The following ZNF804A variants were observed in gnomAD, a reference collection of about 807,000 sequenced individuals.
ZNF804A encodes the protein zinc finger protein 804A.
ZNF804A carries 2 observed loss-of-function variants against 16.5 expected under a neutral mutation model. The observed-to-expected ratio is 0.12, with a 90% CI of 0.05 to 0.38. The LOEUF (loss-of-function observed/expected upper bound fraction) is 0.38, where lower values mean the gene tolerates loss of function less well. ZNF804A is among the 10% of genes least tolerant of loss of function. The pLI, the probability that ZNF804A is intolerant of heterozygous loss-of-function variation, is 0.99. For missense variants in ZNF804A, 1,473 were observed against 1,390.7 expected (o/e 1.06, Z -0.94); for synonymous variants, 534 against 489.6 (o/e 1.09, Z -1.20).
intron 1 of ZNF804A, among the ~76,000 whole-genome samples, chr2:184,706,542 G>A (rs754609972): frequency 2.0e-5 from 3 of 152,074 alleles, no homozygotes; most frequent in Non-Finnish European, 4.4e-5. Flanking sequence ...AAAATTTATG[G>A]TTAGGTGGCT....
At chr2:184,641,067 G>C (rs1282543646) in intron 1 of ZNF804A, among the ~76,000 whole-genome samples, 1 of 152,114 alleles carries the variant, frequency 6.6e-6, no homozygotes, top group Non-Finnish European at 1.5e-5. Flanking sequence ...CAATTCTCCT[G>C]CCTCAGCCTC....
At chr2:184,832,535 ATCT>A (rs1470254221) in intron 1 of ZNF804A, among the ~76,000 whole-genome samples, 1 of 151,984 alleles carries the variant, frequency 6.6e-6, no homozygotes, top group Admixed American at 6.6e-5. Flanking sequence ...GGGTCCAGTT[ATCT>A]TCTTTCATAT....
At chr2:184,727,679 A>C (rs1693436316) in intron 1 of ZNF804A, among the ~76,000 whole-genome samples, 1 of 151,724 alleles carries the variant, frequency 6.6e-6, no homozygotes, top group Non-Finnish European at 1.5e-5. Context: ...GGAAGTTAAT[A>C]ATTTTCACAG....
At chr2:184,698,462 G>T (rs1692869281) in intron 1 of ZNF804A, among the ~76,000 whole-genome samples, 1 of 151,986 alleles carries the variant, frequency 6.6e-6, no homozygotes, top group South Asian at 2.1e-4. Context: ...GCTCTTATTG[G>T]CTGAGTTAAT....
At chr2:184,720,622 G>C (rs1465532706) in intron 1 of ZNF804A, among the ~76,000 whole-genome samples, 1 of 151,982 alleles carries the variant, frequency 6.6e-6, no homozygotes, top group Non-Finnish European at 1.5e-5. Context: ...AAAAACAAAT[G>C]GAAAGATGTC....
At chr2:184,780,906 T>C (rs1694362133) in intron 1 of ZNF804A, among the ~76,000 whole-genome samples, 1 of 151,716 alleles carries the variant, frequency 6.6e-6, no homozygotes, top group African/African-American at 2.4e-5. Flanking sequence ...CATCACAAAT[T>C]TCTCTCTAGG....
intron 1 of ZNF804A, among the ~76,000 whole-genome samples, chr2:184,651,115 A>G (rs559116979): frequency 4.6e-5 from 7 of 152,216 alleles, no homozygotes; most frequent in Admixed American, 3.9e-4. Context: ...AATGGAATAC[A>G]ATAGAGAACA....
intron 2 of ZNF804A, among the ~76,000 whole-genome samples, chr2:184,923,007 T>C (rs1685554198): frequency 6.6e-6 from 1 of 152,128 alleles, no homozygotes; most frequent in African/African-American, 2.4e-5. Flanking sequence ...CCAGTTTTGT[T>C]CCTTTTGCTT....
intron 1 of ZNF804A, among the ~76,000 whole-genome samples, chr2:184,661,510 A>G (rs1012739110): frequency 6.6e-6 from 1 of 152,208 alleles, no homozygotes; most frequent in Non-Finnish European, 1.5e-5. Flanking sequence ...GAGGACCCTA[A>G]AAGTGGGGTA....
At chr2:184,763,249 G>T (rs1399983627) in intron 1 of ZNF804A, among the ~76,000 whole-genome samples, 2 of 152,048 alleles carry the variant, frequency 1.3e-5, no homozygotes, top group Non-Finnish European at 2.9e-5. Flanking sequence ...GTTAAGTAAA[G>T]GTGAGCTCTT....
At chr2:184,733,944 T>C (rs1362308443) in intron 1 of ZNF804A, among the ~76,000 whole-genome samples, 1 of 152,154 alleles carries the variant, frequency 6.6e-6, no homozygotes, top group Non-Finnish European at 1.5e-5. Context: ...TATCATTTTG[T>C]TGATCTTTTA....
At chr2:184,705,949 T>C (rs568040660) in intron 1 of ZNF804A, among the ~76,000 whole-genome samples, 18 of 152,266 alleles carry the variant, frequency 1.2e-4, no homozygotes, top group African/African-American at 4.1e-4. Context: ...GAAGAGTAGC[T>C]GAGGAAAGAG....
At chr2:184,650,062 G>C (rs1691953697) in intron 1 of ZNF804A, among the ~76,000 whole-genome samples, 1 of 151,926 alleles carries the variant, frequency 6.6e-6, no homozygotes, top group African/African-American at 2.4e-5. Context: ...AAATCCTCGA[G>C]AAAATACTAG....
chr2:184,931,334 C>T (rs920297771), intron 2 of ZNF804A, among the ~76,000 whole-genome samples: 1 of 152,190 alleles, frequency 6.6e-6, no homozygotes, highest in East Asian at 1.9e-4. Flanking sequence ...GGGCTCTGCC[C>T]CACAGCACAC....
intron 1 of ZNF804A, among the ~76,000 whole-genome samples, chr2:184,649,192 A>G (rs1691939526): frequency 6.6e-6 from 1 of 152,168 alleles, no homozygotes; most frequent in Non-Finnish European, 1.5e-5. Context: ...TTGAATAAAC[A>G]ATAAATTAAG....
chr2:184,659,113 G>GA (rs1311836191), intron 1 of ZNF804A, among the ~76,000 whole-genome samples: 3 of 152,158 alleles, frequency 2.0e-5, no homozygotes, highest in Non-Finnish European at 2.9e-5. Context: ...TAGGAACTGT[G>GA]ATTTGTTTAG....
At chr2:184,613,648 C>T (rs569649742) in intron 1 of ZNF804A, among the ~76,000 whole-genome samples, 1 of 152,110 alleles carries the variant, frequency 6.6e-6, no homozygotes, top group East Asian at 1.9e-4. Context: ...CAGTAAGAAG[C>T]TAATATAAGC....
chr2:184,832,346 A>G (rs1695277092), intron 1 of ZNF804A, among the ~76,000 whole-genome samples: 1 of 152,040 alleles, frequency 6.6e-6, no homozygotes, highest in Non-Finnish European at 1.5e-5. Context: ...AAAATGTCAA[A>G]GCTCTTTCCA....
At chr2:184,897,456 C>T (rs1020831665) in intron 2 of ZNF804A, among the ~76,000 whole-genome samples, 21 of 150,502 alleles carry the variant, frequency 1.4e-4, no homozygotes, top group African/African-American at 5.1e-4. Context: ...ATTTTTTCCC[C>T]TTTCCATACA....
Sources: allele counts gnomAD v4.1 joint callset (sites outside exome capture counted in the v4.1 genomes callset), GRCh38; gene constraint gnomAD v4.1.1; transcripts MANE v1.5; gene names NCBI Gene and HGNC (gene_info 2026-07-23, HGNC 2026-07-21).